The following MAK variants were observed in gnomAD, a reference collection of about 807,000 sequenced individuals.
MAK encodes male germ cell associated kinase.
Under a neutral mutation model 82.6 loss-of-function variants are expected in MAK, and 65 were observed. The ratio of observed to expected loss-of-function variants is 0.79; its 90% CI spans 0.64 to 0.97. The LOEUF (loss-of-function observed/expected upper bound fraction) is 0.97, where lower values mean the gene tolerates loss of function less well. MAK is among the 50% of genes least tolerant of loss of function. MAK has a pLI of 0.00. For missense variants in MAK, 703 were observed against 780.2 expected, an observed-to-expected ratio of 0.90 and a Z score of 1.18; for synonymous variants, 250 against 274.2, an observed-to-expected ratio of 0.91 and a Z score of 0.87.
In MAK at chr6:10,770,058, A is replaced by G. The variant is rs6932147; in HGVS notation, c.1792+53T>C. Reference sequence around the variant, plus strand: ...AGTGACTGCATAAACTTAAAAAGGAAAATGTTCCTTTCTGCTAGGAATCTA... The same window carrying G: ...AGTGACTGCATAAACTTAAAAAGGAGAATGTTCCTTTCTGCTAGGAATCTA... On this transcript the variant is annotated intron_variant, in intron 14 of 14. Transcript: ENST00000354489. The G allele has an allele frequency of 1.1e-3, 1,837 of 1,613,882 alleles. 12 individuals are homozygous for G. The African/African-American group carries it at 0.014, about 13-fold the overall frequency.
At chr6:10,807,507 A>T (rs1453010009) in intron 6 of MAK, among the ~76,000 whole-genome samples, 1 of 151,456 alleles carries the variant, frequency 6.6e-6, no homozygotes, top group East Asian at 2.0e-4. Flanking sequence ...ACACCCGGCT[A>T]ATTTTGTATT....
chr6:10,788,460 G>C (rs1055182840), intron 10 of MAK, among the ~76,000 whole-genome samples: 1 of 152,160 alleles, frequency 6.6e-6, no homozygotes, highest in African/African-American at 2.4e-5. Context: ...CGCCAGGTGC[G>C]GTGGCTCATG....
intron 6 of MAK, among the ~76,000 whole-genome samples, chr6:10,804,152 T>C (rs1776229826): frequency 6.6e-6 from 1 of 152,094 alleles, no homozygotes; most frequent in Non-Finnish European, 1.5e-5. Flanking sequence ...CTCAACTGAA[T>C]AGATATGGAA....
At chr6:10,804,284 A>T (rs1432869002) in intron 6 of MAK, among the ~76,000 whole-genome samples, 1 of 151,982 alleles carries the variant, frequency 6.6e-6, no homozygotes. Context: ...TATCCTGAGT[A>T]GTGGAGTTTT....
intron 6 of MAK, among the ~76,000 whole-genome samples, chr6:10,806,299 C>A (rs1776442921): frequency 6.6e-6 from 1 of 150,982 alleles, no homozygotes; most frequent in African/African-American, 2.4e-5. Flanking sequence ...CTCAGCCTCC[C>A]AAGTTACAAG....
Position 10,819,839 on chromosome 6 carries a change from G to A in MAK, c.102-899C>T, listed in dbSNP as rs149721192. Among the ~76,000 whole-genome samples, 495 of 151,626 alleles carry A rather than the reference G, an allele frequency of 3.3e-3. 3 individuals are homozygous for A. The highest frequency in any genetic ancestry group is 9.9e-3 in the African/African-American group (411 of 41,312). ...TAATAAACAGGATTCATGGCCGGGC[G>A]CGGTGGCTCACACCTGTAAGCCCAG... On this transcript the variant is annotated intron_variant, in intron 2 of 14. Coordinates refer to ENST00000354489, the MANE Select transcript of MAK (RefSeq NM_001242957.3).
intron 5 of MAK, among the ~76,000 whole-genome samples, chr6:10,812,789 G>T (rs951518683): frequency 6.6e-6 from 1 of 151,694 alleles, no homozygotes; most frequent in African/African-American, 2.4e-5. Flanking sequence ...TTGAGATGGA[G>T]CTTCGTTCTT....
At chr6:10,767,790 C>CAAAAA (rs35961098) in intron 14 of MAK, among the ~76,000 whole-genome samples, 3 of 139,334 alleles carry the variant, frequency 2.2e-5, no homozygotes, top group African/African-American at 5.1e-5. Context: ...GACTTTGTCT[C>CAAAAA]AAAAAAAAAA....
chr6:10,765,409 T>G (rs1772315550), intron 14 of MAK, among the ~76,000 whole-genome samples: 1 of 151,208 alleles, frequency 6.6e-6, no homozygotes, highest in East Asian at 1.9e-4. Flanking sequence ...GATTTCTTTT[T>G]AAACATTAAA....
chr6:10,808,142 C>T (rs1244969469), intron 6 of MAK, among the ~76,000 whole-genome samples: 10 of 152,168 alleles, frequency 6.6e-5, no homozygotes, highest in Admixed American at 6.5e-4. Flanking sequence ...CACACATCCC[C>T]ACCCCATAGA....
chr6:10,822,454 CAAA>C (rs781088003), intron 2 of MAK, among the ~76,000 whole-genome samples: 2 of 138,108 alleles, frequency 1.4e-5, no homozygotes, highest in African/African-American at 5.3e-5. Context: ...AACTCCGTCT[CAAA>C]AAAAAAAAAA....
chr6:10,811,432 C>T (rs1290803551), intron 5 of MAK, among the ~76,000 whole-genome samples: 1 of 152,278 alleles, frequency 6.6e-6, no homozygotes, highest in African/African-American at 2.4e-5. Flanking sequence ...GTAGCCAACT[C>T]TACAGTCAAC....
intron 13 of MAK, among the ~76,000 whole-genome samples, chr6:10,771,469 G>C (rs1773010966): frequency 1.3e-5 from 2 of 152,188 alleles, no homozygotes; most frequent in East Asian, 1.9e-4. Context: ...GAAGACAAAC[G>C]ACAACCAGAA....
chr6:10,806,754 C>T (rs1371893302), intron 6 of MAK, among the ~76,000 whole-genome samples: 5 of 151,808 alleles, frequency 3.3e-5, no homozygotes, highest in Admixed American at 2.6e-4. Context: ...TGGCCTCCCA[C>T]AGTGCTGGGA....
chr6:10,816,452 G>T (rs969392143), intron 4 of MAK, among the ~76,000 whole-genome samples: 22 of 151,936 alleles, frequency 1.4e-4, no homozygotes, highest in African/African-American at 5.3e-4. Flanking sequence ...TTCAACAAGG[G>T]TATCTTGATA....
chr6:10,778,771 G>A (rs1319237387), intron 11 of MAK, among the ~76,000 whole-genome samples: 1 of 152,112 alleles, frequency 6.6e-6, no homozygotes, highest in Non-Finnish European at 1.5e-5. Flanking sequence ...TGAATAAACA[G>A]GGTGGAAGGA....
At chr6:10,784,115 G>T (rs996496152) in intron 11 of MAK, among the ~76,000 whole-genome samples, 8 of 152,088 alleles carry the variant, frequency 5.3e-5, no homozygotes, top group African/African-American at 1.9e-4. Context: ...TTGTAATGGG[G>T]GCATAGAATT....
intron 11 of MAK, among the ~76,000 whole-genome samples, chr6:10,779,934 G>C (rs554505055): frequency 6.6e-6 from 1 of 152,116 alleles, no homozygotes; most frequent in Non-Finnish European, 1.5e-5. Context: ...TGATCCACCG[G>C]CTTTGGCCTC....
chr6:10,818,506 C>T (rs1581750404), intron 3 of MAK, among the ~76,000 whole-genome samples: 1 of 151,632 alleles, frequency 6.6e-6, no homozygotes, highest in East Asian at 1.9e-4. Context: ...CCCAGCTACT[C>T]GGGAAGCTGA....
Sources: gnomAD v4.1 joint callset for allele counts (sites outside exome capture counted in the v4.1 genomes callset) on GRCh38, gnomAD v4.1.1 for gene constraint, MANE v1.5 for transcripts, NCBI Gene and HGNC (gene_info 2026-07-23, HGNC 2026-07-21) for gene names.